CIMIP2C: variants seen among roughly 807,000 people sequenced by gnomAD.
CIMIP2C encodes UPF0573 protein C2orf70.
At chr2:26,570,752 C>T in the CIMIP2C span, among the ~76,000 whole-genome samples, 4 of 152,108 alleles carry the variant, frequency 2.6e-5, no homozygotes, top group East Asian at 5.8e-4. Context: ...CAGTGATGGG[C>T]GAGAGGAGGG....
chr2:26,575,473 G>C, the CIMIP2C span, among the ~76,000 whole-genome samples: 2 of 152,172 alleles, frequency 1.3e-5, no homozygotes, highest in Non-Finnish European at 2.9e-5. Flanking sequence ...ATTGACTGGG[G>C]GGGTATCTGG....
the CIMIP2C span, among the ~76,000 whole-genome samples, chr2:26,569,376 G>A: frequency 5.9e-5 from 9 of 152,178 alleles, no homozygotes; most frequent in East Asian, 3.9e-4. Flanking sequence ...GCCCTGGCGC[G>A]GAGGGACTGA....
chr2:26,572,329 G>A, the CIMIP2C span, among the ~76,000 whole-genome samples: 1 of 149,464 alleles, frequency 6.7e-6, no homozygotes, highest in Non-Finnish European at 1.5e-5. Flanking sequence ...TTCTAACAGA[G>A]GCTCTACATT....
At chr2:26,574,098 A>G in the CIMIP2C span, among the ~76,000 whole-genome samples, 4 of 152,354 alleles carry the variant, frequency 2.6e-5, no homozygotes, top group African/African-American at 9.6e-5. Context: ...GAAAGACCCC[A>G]GAAGAGGTGA....
the CIMIP2C span, among the ~76,000 whole-genome samples, chr2:26,576,610 G>GTTCCAGCCCCAT: frequency 6.6e-6 from 1 of 152,174 alleles, no homozygotes; most frequent in African/African-American, 2.4e-5. Flanking sequence ...CCCAGCCCCA[G>GTTCCAGCCCCAT]TTCCAGCCCC....
chr2:26,568,344 G>C, the CIMIP2C span, among the ~76,000 whole-genome samples: 1 of 152,114 alleles, frequency 6.6e-6, no homozygotes, highest in Non-Finnish European at 1.5e-5. Flanking sequence ...CATAAGCCAC[G>C]TCATTCCCCA....
At chr2:26,577,600 C>G in the CIMIP2C span, 1 of 1,613,942 alleles carries the variant, frequency 6.2e-7, no homozygotes, top group Non-Finnish European at 8.5e-7. Context: ...CGTGAGGGAG[C>G]CGGAACGGTA....
At chr2:26,567,042 G>A in the CIMIP2C span, among the ~76,000 whole-genome samples, 1 of 152,188 alleles carries the variant, frequency 6.6e-6, no homozygotes, top group South Asian at 2.1e-4. Flanking sequence ...AATATAATTT[G>A]ATATTGAATA....
At chr2:26,566,042 A>G in the CIMIP2C span, among the ~76,000 whole-genome samples, 1 of 152,200 alleles carries the variant, frequency 6.6e-6, no homozygotes, top group Non-Finnish European at 1.5e-5. Context: ...GGCCTCAGTG[A>G]GGATCCAAGC....
chr2:26,569,244 C>CA, the CIMIP2C span, among the ~76,000 whole-genome samples: 26 of 151,470 alleles, frequency 1.7e-4, no homozygotes, highest in East Asian at 2.3e-3. Context: ...TGGCTTGAGA[C>CA]AAAAAAAATG....
chr2:26,572,287 A>C, the CIMIP2C span: 1 of 830,968 alleles, frequency 1.2e-6, no homozygotes, highest in Non-Finnish European at 1.8e-6. Context: ...CTGGTTCTGC[A>C]CTTCAATAGA....
the CIMIP2C span, among the ~76,000 whole-genome samples, chr2:26,569,090 C>G: frequency 2.0e-5 from 3 of 151,422 alleles, no homozygotes; most frequent in South Asian, 4.2e-4. Context: ...AGGGCAAAGA[C>G]AGTTCCATGG....
the CIMIP2C span, among the ~76,000 whole-genome samples, chr2:26,571,141 TAG>T: frequency 0.96 from 146,353 of 152,124 alleles, 70,640 homozygotes; most frequent in East Asian, 1. Context: ...GACCCAGAGG[TAG>T]AGAGGCTGTC....
At chr2:26,577,418 C>T in the CIMIP2C span, 1 of 1,194,588 alleles carries the variant, frequency 8.4e-7, no homozygotes, top group Non-Finnish European at 1.2e-6. Flanking sequence ...GGAGGTGGCC[C>T]CCAACCCTGC....
At chr2:26,576,819 G>C in the CIMIP2C span, among the ~76,000 whole-genome samples, 1 of 152,230 alleles carries the variant, frequency 6.6e-6, no homozygotes, top group Non-Finnish European at 1.5e-5. Context: ...CCTGGATGTG[G>C]TTCAGACACA....
the CIMIP2C span, chr2:26,579,302 T>C: frequency 6.2e-7 from 1 of 1,613,898 alleles, no homozygotes; most frequent in African/African-American, 1.3e-5. Flanking sequence ...AGGCCTCCTC[T>C]GTGCCCAAAG....
At chr2:26,565,158 C>G in the CIMIP2C span, among the ~76,000 whole-genome samples, 13 of 150,376 alleles carry the variant, frequency 8.6e-5, no homozygotes, top group East Asian at 2.4e-3. Context: ...GGCGCAATCT[C>G]GGCTCACAGC....
chr2:26,577,757 CAG>C, the CIMIP2C span: 1 of 680,834 alleles, frequency 1.5e-6, no homozygotes, highest in Non-Finnish European at 2.5e-6. Flanking sequence ...ACGTGCAGTG[CAG>C]AGAGTGATGG....
the CIMIP2C span, chr2:26,577,705 C>G: frequency 3.5e-5 from 36 of 1,022,294 alleles, no homozygotes; most frequent in Admixed American, 4.7e-4. Context: ...CAGGCATGCA[C>G]AGCACACAGA....
Sources: gnomAD v4.1 joint callset for allele counts (sites outside exome capture counted in the v4.1 genomes callset) on GRCh38, gnomAD v4.1.1 for gene constraint, MANE v1.5 for transcripts, NCBI Gene and HGNC (gene_info 2026-07-23, HGNC 2026-07-21) for gene names.